The following PDGFD variants were observed in gnomAD, a reference collection of about 807,000 sequenced individuals.
PDGFD encodes platelet-derived growth factor D.
Under a neutral mutation model 44.7 loss-of-function variants are expected in PDGFD, and 30 were observed. That is an observed-to-expected ratio of 0.67 (90% CI 0.50 to 0.91). The LOEUF is 0.91. PDGFD is among the 40% of genes least tolerant of loss of function. PDGFD has a pLI of 0.00. For missense variants in PDGFD, 445 were observed against 457.8 expected, an observed-to-expected ratio of 0.97 and a Z score of 0.25; for synonymous variants, 173 against 168.4, an observed-to-expected ratio of 1.03 and a Z score of -0.21.
intron 3 of PDGFD, among the ~76,000 whole-genome samples, chr11:103,954,180 A>G (rs1384574369): frequency 6.6e-6 from 1 of 152,220 alleles, no homozygotes; most frequent in South Asian, 2.1e-4. Context: ...ACCATTGGAT[A>G]TCTTGGGCCC....
chr11:104,087,286 C>T (rs972960813), intron 1 of PDGFD, among the ~76,000 whole-genome samples: 2 of 151,742 alleles, frequency 1.3e-5, no homozygotes, highest in Non-Finnish European at 2.9e-5. Context: ...ACCTCCACCT[C>T]CCAGGTTCAA....
At chr11:103,944,527 T>G (rs1858641071) in intron 4 of PDGFD, among the ~76,000 whole-genome samples, 1 of 152,180 alleles carries the variant, frequency 6.6e-6, no homozygotes, top group Admixed American at 6.5e-5. Context: ...TCAAATGATT[T>G]TTAAATGTCT....
At chr11:104,008,896 T>A (rs1217342634) in intron 1 of PDGFD, among the ~76,000 whole-genome samples, 3 of 152,194 alleles carry the variant, frequency 2.0e-5, no homozygotes, top group East Asian at 1.9e-4. Flanking sequence ...ATATGCATAT[T>A]ATAATAATAA....
chr11:104,036,798 A>G (rs1369758864), intron 1 of PDGFD: 1 of 1,591,860 alleles, frequency 6.3e-7, no homozygotes, highest in Admixed American at 1.7e-5. Context: ...GCCCTCTGCT[A>G]GCCCGGCCCG....
chr11:103,981,947 A>T (rs1413134641), intron 3 of PDGFD, among the ~76,000 whole-genome samples: 1 of 151,836 alleles, frequency 6.6e-6, no homozygotes, highest in Non-Finnish European at 1.5e-5. Flanking sequence ...GTATTGGTGC[A>T]ACTATATGCC....
chr11:104,078,385 C>A (rs1175237446), intron 1 of PDGFD, among the ~76,000 whole-genome samples: 1 of 152,150 alleles, frequency 6.6e-6, no homozygotes, highest in Non-Finnish European at 1.5e-5. Context: ...AAACCAGCCA[C>A]TAGCTACCAT....
intron 1 of PDGFD, among the ~76,000 whole-genome samples, chr11:104,044,009 TAC>T (rs1304924198): frequency 6.6e-6 from 1 of 152,222 alleles, no homozygotes; most frequent in Non-Finnish European, 1.5e-5. Context: ...ATTTGGGGCT[TAC>T]ACAATAGGCG....
intron 5 of PDGFD, among the ~76,000 whole-genome samples, chr11:103,928,529 A>G (rs980917037): frequency 1.3e-5 from 2 of 152,216 alleles, no homozygotes; most frequent in African/African-American, 4.8e-5. Context: ...AATTGCAGGA[A>G]CAAGTGTGGA....
intron 3 of PDGFD, among the ~76,000 whole-genome samples, chr11:103,953,941 A>G (rs1858797865): frequency 6.6e-6 from 1 of 152,240 alleles, no homozygotes; most frequent in Admixed American, 6.5e-5. Flanking sequence ...AAAACATGCA[A>G]TGAACCATCA....
rs560932572 is a variant in PDGFD at position 104,074,406 on chromosome 11, T to C, written c.125-74151A>G. 9.2e-5 allele frequency among the ~76,000 whole-genome samples: 14 copies of C among 152,344 alleles called. No individual in the cohort carries two copies. In the East Asian group the frequency reaches 2.1e-3, roughly 23 times the overall value. On this transcript the variant is annotated intron_variant, in intron 1 of 6. Transcript: ENST00000393158. The stretch of plus-strand genomic sequence containing the variant: ...CTAGAATTTTCTTTAAGTTGGAACA[T>C]CTTAAATGTTTCTGGGTGCCAAGAT...
At chr11:104,046,666 A>G (rs1357821656) in intron 1 of PDGFD, among the ~76,000 whole-genome samples, 2 of 147,352 alleles carry the variant, frequency 1.4e-5, no homozygotes, top group Non-Finnish European at 3.0e-5. Context: ...TTCAATAACA[A>G]ATCTGTTTAA....
At chr11:103,993,542 A>G (rs376649115) in intron 3 of PDGFD, among the ~76,000 whole-genome samples, 7 of 151,900 alleles carry the variant, frequency 4.6e-5, no homozygotes, top group African/African-American at 1.7e-4. Context: ...TCTCCCTATT[A>G]ATTTACACCT....
intron 1 of PDGFD, among the ~76,000 whole-genome samples, chr11:104,156,420 T>C (rs933902706): frequency 2.0e-5 from 3 of 152,200 alleles, no homozygotes; most frequent in African/African-American, 7.2e-5. Context: ...AGGCTTCAAA[T>C]CGTGTTTGGC....
At chr11:104,135,196 T>G (rs1248351284) in intron 1 of PDGFD, among the ~76,000 whole-genome samples, 2 of 152,194 alleles carry the variant, frequency 1.3e-5, no homozygotes, top group African/African-American at 2.4e-5. Context: ...ACAAAATAAG[T>G]TCTAAATAGA....
intron 3 of PDGFD, among the ~76,000 whole-genome samples, chr11:103,962,400 T>C (rs1858951742): frequency 6.6e-6 from 1 of 152,128 alleles, no homozygotes; most frequent in South Asian, 2.1e-4. Flanking sequence ...AGGAATTGAT[T>C]TGGAGGAATT....
chr11:104,030,743 G>A (rs1424795171), intron 1 of PDGFD, among the ~76,000 whole-genome samples: 1 of 152,118 alleles, frequency 6.6e-6, no homozygotes, highest in Admixed American at 6.5e-5. Flanking sequence ...ATACATCAAG[G>A]AAAGGATAGC....
intron 1 of PDGFD, chr11:104,038,636 A>G (rs528481225): frequency 2.8e-4 from 46 of 167,208 alleles, no homozygotes; most frequent in African/African-American, 1.1e-3. Context: ...ACAGCTAAAG[A>G]CTATTTTTGC....
intron 3 of PDGFD, among the ~76,000 whole-genome samples, chr11:103,982,308 G>A (rs1479578445): frequency 2.6e-5 from 4 of 151,710 alleles, no homozygotes; most frequent in Non-Finnish European, 5.9e-5. Flanking sequence ...CACATCTTAG[G>A]TATTCAATGA....
intron 1 of PDGFD, among the ~76,000 whole-genome samples, chr11:104,129,425 G>A (rs1381794999): frequency 1.3e-5 from 2 of 152,068 alleles, no homozygotes; most frequent in East Asian, 1.9e-4. Flanking sequence ...CTTGAATCAT[G>A]AGCAGACACA....
Sources: allele counts gnomAD v4.1 joint callset (sites outside exome capture counted in the v4.1 genomes callset), GRCh38; gene constraint gnomAD v4.1.1; transcripts MANE v1.5; gene names NCBI Gene and HGNC (gene_info 2026-07-23, HGNC 2026-07-21).